ITPR1: variants seen among roughly 807,000 people sequenced by gnomAD.
The protein encoded by ITPR1 is inositol 1,4,5-trisphosphate receptor type 1.
ITPR1 carries 96 observed loss-of-function variants against 318.4 expected under a neutral mutation model. That is an observed-to-expected ratio of 0.30 (90% CI 0.26 to 0.36). The LOEUF is 0.36. Among genes scored for constraint, ITPR1 ranks in the 10% least tolerant of loss-of-function variants. The pLI, the probability that ITPR1 is intolerant of heterozygous loss-of-function variation, is 1.00. For synonymous variants in ITPR1, 1,312 were observed against 1,289.9 expected, an observed-to-expected ratio of 1.02 and a Z score of -0.37; for missense variants, 2,440 against 3,460.2, an observed-to-expected ratio of 0.71 and a Z score of 7.40.
chr3:4,543,330 C>G (rs1575474127), intron 4 of ITPR1, among the ~76,000 whole-genome samples: 1 of 152,056 alleles, frequency 6.6e-6, no homozygotes, highest in East Asian at 1.9e-4. Context: ...GAGTTTGGGT[C>G]AGATTTCCTC....
chr3:4,671,795 C>T (rs1400382271), intron 20 of ITPR1: 1 of 152,120 alleles, frequency 6.6e-6, no homozygotes, highest in Non-Finnish European at 1.5e-5. Context: ...CTTTTCTTGC[C>T]TCCTGTATTC....
chr3:4,544,573 T>C (rs2084782861), intron 4 of ITPR1, among the ~76,000 whole-genome samples: 1 of 152,236 alleles, frequency 6.6e-6, no homozygotes, highest in East Asian at 1.9e-4. Flanking sequence ...TAGTGATGCC[T>C]TAGTTTGGCT....
At chr3:4,738,770 A>C (rs1471239984) in intron 44 of ITPR1, among the ~76,000 whole-genome samples, 2 of 151,884 alleles carry the variant, frequency 1.3e-5, no homozygotes, top group Non-Finnish European at 2.9e-5. Flanking sequence ...TATTACTCAT[A>C]CACCCAGGCT....
chr3:4,718,635 G>A (rs1478667589), intron 40 of ITPR1, among the ~76,000 whole-genome samples: 2 of 152,164 alleles, frequency 1.3e-5, no homozygotes, highest in Non-Finnish European at 2.9e-5. Flanking sequence ...TTCCTGATGT[G>A]CTTACTGTTC....
chr3:4,519,248 G>C (rs560685906), intron 3 of ITPR1, among the ~76,000 whole-genome samples: 87 of 151,600 alleles, frequency 5.7e-4, no homozygotes, highest in African/African-American at 2.1e-3. Context: ...TTTTTCTTGA[G>C]ATGGAGTCTC....
At chr3:4,769,081 G>A (rs1011589929) in intron 46 of ITPR1, among the ~76,000 whole-genome samples, 1 of 151,864 alleles carries the variant, frequency 6.6e-6, no homozygotes, top group Non-Finnish European at 1.5e-5. Flanking sequence ...TGTATTTTTA[G>A]TAGAGATGGG....
At chr3:4,508,460 T>TTG (rs1575348704) in intron 2 of ITPR1, among the ~76,000 whole-genome samples, 2 of 151,200 alleles carry the variant, frequency 1.3e-5, no homozygotes, top group East Asian at 3.9e-4. Flanking sequence ...TCAAGGTTTT[T>TTG]TTTTTTTTTT....
chr3:4,667,115 G>C (rs1473024159), intron 17 of ITPR1, among the ~76,000 whole-genome samples: 1 of 152,148 alleles, frequency 6.6e-6, no homozygotes, highest in Admixed American at 6.5e-5. Context: ...TTTATACTGT[G>C]CACTTAATAA....
chr3:4,609,540 C>G (rs2091949418), intron 4 of ITPR1, among the ~76,000 whole-genome samples: 1 of 152,064 alleles, frequency 6.6e-6, no homozygotes, highest in African/African-American at 2.4e-5. Flanking sequence ...GTACAGATGT[C>G]AAAACTATAT....
In ITPR1 at chr3:4,679,636, C is replaced by G. The variant is rs76509404; in HGVS notation, c.2968-917C>G. Among the ~76,000 whole-genome samples the G allele has an allele frequency of 2.8e-4, 42 of 152,310 alleles. No homozygotes were observed. In the East Asian group the frequency reaches 7.9e-3, roughly 29 times the overall value. ...TTTACTCAGCTCACTGATTCAAATG[C>G]CAGTCCATTCTGGAAACCCCCTCAT... On this transcript the variant is annotated intron_variant, in intron 24 of 61. Transcript: ENST00000649015.
intron 2 of ITPR1, among the ~76,000 whole-genome samples, chr3:4,504,284 GT>G (rs1357110462): frequency 2.6e-5 from 4 of 152,176 alleles, no homozygotes; most frequent in Admixed American, 2.6e-4. Flanking sequence ...GTTTATTTTT[GT>G]GTGTGTATGT....
At chr3:4,709,767 C>T (rs746353971) in intron 37 of ITPR1, among the ~76,000 whole-genome samples, 1 of 152,182 alleles carries the variant, frequency 6.6e-6, no homozygotes, top group African/African-American at 2.4e-5. Flanking sequence ...CATGTTCATT[C>T]ATTGGTGTCC....
chr3:4,506,399 T>G (rs2081396342), intron 2 of ITPR1, among the ~76,000 whole-genome samples: 1 of 152,242 alleles, frequency 6.6e-6, no homozygotes, highest in African/African-American at 2.4e-5. Context: ...GATTTTTTTT[T>G]GCATGACTGC....
intron 2 of ITPR1, among the ~76,000 whole-genome samples, chr3:4,513,650 A>G (rs908348317): frequency 6.6e-6 from 1 of 152,210 alleles, no homozygotes; most frequent in Admixed American, 6.5e-5. Context: ...GAAGTATTAC[A>G]GAGCCATGGT....
intron 4 of ITPR1, among the ~76,000 whole-genome samples, chr3:4,588,607 C>T (rs1210911102): frequency 1.3e-5 from 2 of 152,096 alleles, no homozygotes; most frequent in Non-Finnish European, 2.9e-5. Flanking sequence ...TGATCTCATC[C>T]ACTCCTTGAG....
intron 4 of ITPR1, among the ~76,000 whole-genome samples, chr3:4,525,651 A>G (rs1356477573): frequency 6.6e-6 from 1 of 152,176 alleles, no homozygotes; most frequent in Non-Finnish European, 1.5e-5. Context: ...TTTTATTAAT[A>G]TGGTACCATT....
In ITPR1 at chr3:4,635,777, G is replaced by T. The variant is rs1268538725; in HGVS notation, c.280-3607G>T. ...CAGTGGCCTGTAGTGTTTGTACCTT[G>T]TTACCTTTTCATCTACCTTATTGCC... On this transcript the variant is annotated intron_variant, in intron 5 of 61. Coordinates refer to ENST00000649015, the MANE Select transcript of ITPR1 (RefSeq NM_001378452.1). 2.0e-5 allele frequency among the ~76,000 whole-genome samples: 3 copies of T among 152,110 alleles called. No individual in the cohort carries two copies. The East Asian group carries it at 5.8e-4, about 29-fold the overall frequency.
chr3:4,655,736 C>T (rs376811548), intron 12 of ITPR1, among the ~76,000 whole-genome samples: 14 of 152,100 alleles, frequency 9.2e-5, no homozygotes, highest in South Asian at 4.1e-4. Flanking sequence ...GTCAGAGAGG[C>T]GGATGTGCCA....
chr3:4,525,233 G>A lies in ITPR1; in HGVS notation c.163+4139G>A, dbSNP rs79625801. Among the ~76,000 whole-genome samples, 939 of 152,190 alleles carry A rather than the reference G, an allele frequency of 6.2e-3. 7 individuals carry two copies. The highest frequency in any genetic ancestry group is 0.022 in the African/African-American group (908 of 41,496). On this transcript the variant is annotated intron_variant, in intron 4 of 61. Transcript: ENST00000649015. The stretch of plus-strand genomic sequence containing the variant: ...AGCTTCTTTCCTCACTTGTGAGTTA[G>A]GGTCAAACAATTCCATCCTTATCAA...
Sources: gnomAD v4.1 joint callset for allele counts (sites outside exome capture counted in the v4.1 genomes callset) on GRCh38, gnomAD v4.1.1 for gene constraint, MANE v1.5 for transcripts, NCBI Gene and HGNC (gene_info 2026-07-23, HGNC 2026-07-21) for gene names.